The following LMX1A variants were observed in gnomAD, a reference collection of about 807,000 sequenced individuals.
LMX1A encodes LIM homeobox transcription factor 1 alpha.
Under a neutral mutation model 49.1 loss-of-function variants are expected in LMX1A, and 15 were observed. The observed-to-expected ratio is 0.31, with a 90% CI of 0.20 to 0.47. The LOEUF is 0.47. Ranked by LOEUF, LMX1A falls within the 20% of genes least tolerant of loss-of-function variation. The pLI, the probability that LMX1A is intolerant of heterozygous loss-of-function variation, is 1.00. For synonymous variants in LMX1A, 167 were observed against 185.7 expected, an observed-to-expected ratio of 0.90 and a Z score of 0.82; for missense variants, 372 against 475.8, an observed-to-expected ratio of 0.78 and a Z score of 2.03.
rs907984929 is a variant in LMX1A at position 165,353,280 on chromosome 1, G to A, written c.77-18C>T. 6.2e-7 allele frequency: 1 copy of A among 1,604,510 alleles called. No homozygotes were observed. Among genetic ancestry groups the A allele is most frequent in the Non-Finnish European group, 8.5e-7 (1 of 1,177,528 alleles). Reference sequence around the variant, plus strand: ...CGCTCTGCCTGTAGCCACAACAGACGTTGGCGGGTGAGCAGCCCGGGCAGG... The same window carrying A: ...CGCTCTGCCTGTAGCCACAACAGACATTGGCGGGTGAGCAGCCCGGGCAGG... On this transcript the variant is annotated intron_variant, in intron 2 of 8. Transcript: ENST00000342310.
At chr1:165,323,038 T>C (rs1045392367) in intron 3 of LMX1A, among the ~76,000 whole-genome samples, 1 of 152,142 alleles carries the variant, frequency 6.6e-6, no homozygotes, top group African/African-American at 2.4e-5. Flanking sequence ...AATACCTCCC[T>C]TACTCCCCTA....
At chr1:165,307,488 A>C (rs1193584879) in intron 3 of LMX1A, among the ~76,000 whole-genome samples, 1 of 152,232 alleles carries the variant, frequency 6.6e-6, no homozygotes, top group Admixed American at 6.5e-5. Context: ...TCTTAGTTAC[A>C]AAGGGGCCTA....
At chr1:165,341,991 C>T (rs1044259921) in intron 3 of LMX1A, among the ~76,000 whole-genome samples, 2 of 152,206 alleles carry the variant, frequency 1.3e-5, no homozygotes, top group Admixed American at 1.3e-4. Context: ...CCTGAAATCT[C>T]TAGTTTCATT....
intron 4 of LMX1A, among the ~76,000 whole-genome samples, chr1:165,231,906 C>T (rs1368056839): frequency 2.6e-5 from 4 of 152,298 alleles, no homozygotes; most frequent in East Asian, 1.9e-4. Context: ...CCTGGGAATT[C>T]GCCTATACAG....
chr1:165,273,960 C>A (rs1395325487), intron 3 of LMX1A, among the ~76,000 whole-genome samples: 2 of 152,200 alleles, frequency 1.3e-5, no homozygotes, highest in African/African-American at 4.8e-5. Context: ...CTTACATACC[C>A]AAGACGTTCC....
At chr1:165,248,810 C>A (rs1237075115) in intron 4 of LMX1A, among the ~76,000 whole-genome samples, 1 of 152,174 alleles carries the variant, frequency 6.6e-6, no homozygotes, top group Admixed American at 6.5e-5. Context: ...TGTATCTATA[C>A]CTGGGCAAGG....
chr1:165,352,998 T>A, intron 3 of LMX1A, 78 bp downstream of exon 3: 1 of 1,438,290 alleles, frequency 7.0e-7, no homozygotes, highest in Non-Finnish European at 9.7e-7. Context: ...AGAAAAGGAC[T>A]AGGGTAAAGG....
intron 4 of LMX1A, among the ~76,000 whole-genome samples, chr1:165,228,453 T>C (rs1652116739): frequency 6.6e-6 from 1 of 152,190 alleles, no homozygotes; most frequent in Admixed American, 6.5e-5. Context: ...TGTATTAAAC[T>C]CTCTCTGTTC....
chr1:165,338,233 CT>C (rs1655962180), intron 3 of LMX1A, among the ~76,000 whole-genome samples: 1 of 152,114 alleles, frequency 6.6e-6, no homozygotes, highest in South Asian at 2.1e-4. Flanking sequence ...GATGGTGGGC[CT>C]TACCACATTA....
rs115816667 is a variant in LMX1A, at chr1:165,241,229, C to T, written c.496+8179G>A. Among the ~76,000 whole-genome samples the T allele has an allele frequency of 3.9e-3, 588 of 152,206 alleles. 5 individuals carry two copies. The highest frequency in any genetic ancestry group is 0.014 in the African/African-American group (562 of 41,520). On this transcript the variant is annotated intron_variant, in intron 4 of 8. Coordinates refer to ENST00000342310, the MANE Select transcript of LMX1A (RefSeq NM_177398.4). ...GCCCTATCTGTACCACCATGAGGTGCCCCAGGTATGCTATCCATAAGTGCC... is the reference window on the plus strand; with the variant it reads ...GCCCTATCTGTACCACCATGAGGTGTCCCAGGTATGCTATCCATAAGTGCC...
At chr1:165,213,898 C>T (rs1651534424) in intron 4 of LMX1A, 85 bp from the exon 5 acceptor site, 1 of 1,202,194 alleles carries the variant, frequency 8.3e-7, no homozygotes, top group African/African-American at 1.5e-5. Flanking sequence ...GCCTCCAGGT[C>T]CACATTTCCA....
intron 2 of LMX1A, among the ~76,000 whole-genome samples, chr1:165,353,489 G>A (rs1007214130): frequency 3.9e-5 from 6 of 152,080 alleles, no homozygotes; most frequent in African/African-American, 1.4e-4. Flanking sequence ...AGCGGGGGAG[G>A]GTATAGAAAT....
intron 3 of LMX1A, among the ~76,000 whole-genome samples, chr1:165,332,934 G>A (rs1224352328): frequency 1.3e-5 from 2 of 152,174 alleles, no homozygotes; most frequent in African/African-American, 4.8e-5. Context: ...AAGCAGCTGT[G>A]ACACAGTGCA....
intron 3 of LMX1A, among the ~76,000 whole-genome samples, chr1:165,285,409 T>C (rs1654275739): frequency 6.6e-6 from 1 of 152,218 alleles, no homozygotes; most frequent in South Asian, 2.1e-4. Context: ...CTTCCCATGA[T>C]ACCCACAAAA....
chr1:165,280,108 C>T (rs1654102600), intron 3 of LMX1A, among the ~76,000 whole-genome samples: 1 of 152,232 alleles, frequency 6.6e-6, no homozygotes, highest in Middle Eastern at 3.4e-3. Context: ...TTAACAAACC[C>T]CCAAACAAAG....
chr1:165,319,039 ACACC>A (rs199757910), intron 3 of LMX1A, among the ~76,000 whole-genome samples: 5,329 of 139,228 alleles, frequency 0.038, 123 homozygotes, highest in Non-Finnish European at 0.046. Context: ...ACACACACAC[ACACC>A]CCAACTTCTT....
chr1:165,256,082 C>T (rs1653226364), intron 3 of LMX1A, among the ~76,000 whole-genome samples: 1 of 152,204 alleles, frequency 6.6e-6, no homozygotes, highest in South Asian at 2.1e-4. Flanking sequence ...GAGCATAGTG[C>T]TGACCCAGAA....
At chr1:165,228,888 C>G (rs1364402888) in intron 4 of LMX1A, among the ~76,000 whole-genome samples, 1 of 152,084 alleles carries the variant, frequency 6.6e-6, no homozygotes, top group East Asian at 1.9e-4. Flanking sequence ...GAACTGGATA[C>G]CTTATCATCT....
chr1:165,214,546 A>C (rs1173020709), intron 4 of LMX1A, among the ~76,000 whole-genome samples: 2 of 152,200 alleles, frequency 1.3e-5, no homozygotes, highest in African/African-American at 2.4e-5. Context: ...ATGAGTTTAT[A>C]CCAGTACGGC....
Sources: allele counts gnomAD v4.1 joint callset (sites outside exome capture counted in the v4.1 genomes callset), GRCh38; gene constraint gnomAD v4.1.1; transcripts MANE v1.5; gene names NCBI Gene and HGNC (gene_info 2026-07-23, HGNC 2026-07-21).